Variants in USP32 observed in about 807,000 individuals in gnomAD.
USP32 encodes ubiquitin carboxyl-terminal hydrolase 32.
A neutral mutation model predicts 204.8 loss-of-function variants in USP32; 59 were observed. The ratio of observed to expected loss-of-function variants is 0.29; its 90% confidence interval spans 0.23 to 0.36. The LOEUF (loss-of-function observed/expected upper bound fraction) is 0.36. Among genes scored for constraint, USP32 ranks in the 10% least tolerant of loss-of-function variants. The pLI, the probability that USP32 is intolerant of heterozygous loss-of-function variation, is 1.00. For missense variants in USP32, 1,160 were observed against 1,946.4 expected (o/e 0.60, Z 7.60); for synonymous variants, 517 against 678.4 (o/e 0.76, Z 3.70).
chr17:60,298,549 T>C (rs1396829817), intron 3 of USP32, among the ~76,000 whole-genome samples: 2 of 151,742 alleles, frequency 1.3e-5, no homozygotes, highest in East Asian at 3.8e-4. Flanking sequence ...ATTTGTATTA[T>C]TTTTTTTGCT....
At chr17:60,368,990 G>GTTTTTTTTTTTTTTT (rs1598293256) in intron 1 of USP32, among the ~76,000 whole-genome samples, 1 of 123,020 alleles carries the variant, frequency 8.1e-6, no homozygotes, top group African/African-American at 4.9e-5. Flanking sequence ...TTTTTTAAAA[G>GTTTTTTTTTTTTTTT]ATTTTTTTTT....
chr17:60,269,304 G>T, intron 7 of USP32, 146 bp downstream of exon 7: 2 of 626,894 alleles, frequency 3.2e-6, no homozygotes, highest in Non-Finnish European at 5.4e-6. Flanking sequence ...AGTGACCTCA[G>T]TAAAACCCTA....
chr17:60,395,810 T>C (rs1266964426), upstream of USP32, among the ~76,000 whole-genome samples: 1 of 152,176 alleles, frequency 6.6e-6, no homozygotes, highest in East Asian at 1.9e-4. Flanking sequence ...CCCCAGTCTG[T>C]ACTCACAGAG....
chr17:60,224,883 C>G (rs2085344102), intron 13 of USP32, among the ~76,000 whole-genome samples: 1 of 152,122 alleles, frequency 6.6e-6, no homozygotes, highest in Non-Finnish European at 1.5e-5. Context: ...ATAGAAATAC[C>G]ACAGCATCTT....
rs193174579 is a variant in USP32, at chr17:60,317,578, G to A, written c.187-15874C>T. ...GTTATAAATCCCAATACTTTGGGAG[G>A]CCAATGCAGGAAGATCGCTTAATGC... On this transcript the variant is annotated intron_variant, in intron 2 of 33. Transcript: ENST00000300896. Among the ~76,000 whole-genome samples the A allele has an allele frequency of 1.3e-3, 199 of 151,808 alleles. 1 individual carries two copies. Among genetic ancestry groups the A allele is most frequent in the African/African-American group, 4.5e-3 (186 of 41,388 alleles).
chr17:60,194,304 A>G (rs1333240309), intron 27 of USP32, among the ~76,000 whole-genome samples: 4 of 152,068 alleles, frequency 2.6e-5, no homozygotes, highest in Non-Finnish European at 4.4e-5. Flanking sequence ...TCAGCCTCCT[A>G]AAGTGCTGGG....
intron 1 of USP32, among the ~76,000 whole-genome samples, chr17:60,419,851 AT>A (rs1567903891): frequency 2.4e-5 from 3 of 125,864 alleles, no homozygotes; most frequent in Non-Finnish European, 4.7e-5. Context: ...TATTATTATT[AT>A]TATTATTATT....
At chr17:60,244,082 C>A (rs1024425179) in intron 11 of USP32, among the ~76,000 whole-genome samples, 1 of 126,440 alleles carries the variant, frequency 7.9e-6, no homozygotes, top group Admixed American at 9.5e-5. Flanking sequence ...GTCACCCAGG[C>A]TGAAGTGCAG....
intron 17 of USP32, 123 bp from the exon 18 acceptor site, chr17:60,213,785 T>G (rs2085031681): frequency 1.8e-6 from 2 of 1,109,768 alleles, no homozygotes. Context: ...ATCACAAATA[T>G]CTGGCCTACT....
At chr17:60,316,883 C>T (rs1217760546) in intron 2 of USP32, among the ~76,000 whole-genome samples, 1 of 151,956 alleles carries the variant, frequency 6.6e-6, no homozygotes, top group East Asian at 1.9e-4. Context: ...TTCTGATATA[C>T]GCTACAAATG....
chr17:60,274,865 A>T (rs2086804350), intron 5 of USP32, among the ~76,000 whole-genome samples: 1 of 152,184 alleles, frequency 6.6e-6, no homozygotes, highest in South Asian at 2.1e-4. Flanking sequence ...ATGATCCTGC[A>T]TGGCTTACAC....
intron 21 of USP32, 79 bp downstream of exon 21, chr17:60,210,934 A>C: frequency 6.6e-7 from 1 of 1,504,142 alleles, no homozygotes; most frequent in Non-Finnish European, 8.9e-7. Context: ...TAAAAGGCTA[A>C]ACACAAAAAA....
At chr17:60,392,241 T>A, upstream of USP32, 1 of 274,438 alleles carries the variant, frequency 3.6e-6, no homozygotes, top group Non-Finnish European at 7.0e-6. Flanking sequence ...TTCCGCCCCC[T>A]CCCGCCAGCT....
chr17:60,234,040 A>G (rs1023766552), intron 12 of USP32, among the ~76,000 whole-genome samples: 3 of 151,690 alleles, frequency 2.0e-5, no homozygotes, highest in African/African-American at 7.3e-5. Flanking sequence ...GTCTTGACCT[A>G]TCAGGCTCAA....
At chr17:60,369,151 C>G (rs1490128096) in intron 1 of USP32, among the ~76,000 whole-genome samples, 2 of 142,988 alleles carry the variant, frequency 1.4e-5, no homozygotes, top group Admixed American at 1.3e-4. Context: ...CCCGCCACTA[C>G]GCCCGGCTAA....
intron 1 of USP32, among the ~76,000 whole-genome samples, chr17:60,377,063 C>T (rs574133238): frequency 7.9e-5 from 12 of 152,188 alleles, no homozygotes; most frequent in African/African-American, 2.2e-4. Context: ...AAACCTTTTT[C>T]GGCCAATATT....
intron 1 of USP32, among the ~76,000 whole-genome samples, chr17:60,361,442 C>T (rs2146054447): frequency 6.6e-6 from 1 of 152,200 alleles, no homozygotes; most frequent in South Asian, 2.1e-4. Flanking sequence ...TACAGGTATT[C>T]ACTTACTGTT....
chr17:60,216,652 C>T (rs1040366460), intron 16 of USP32, among the ~76,000 whole-genome samples: 8 of 152,162 alleles, frequency 5.3e-5, no homozygotes, highest in African/African-American at 1.9e-4. Flanking sequence ...GAAAAGCCTA[C>T]ATTTAAGTAA....
intron 12 of USP32, among the ~76,000 whole-genome samples, chr17:60,232,285 G>C (rs1004760899): frequency 2.1e-5 from 3 of 141,576 alleles, no homozygotes; most frequent in Admixed American, 7.8e-5. Context: ...CGATTCTCCT[G>C]CCTCAGCCTC....
Sources: gnomAD v4.1 joint callset for allele counts (sites outside exome capture counted in the v4.1 genomes callset) on GRCh38, gnomAD v4.1.1 for gene constraint, MANE v1.5 for transcripts, NCBI Gene and HGNC (gene_info 2026-07-23, HGNC 2026-07-21) for gene names.